CDH3: variants seen among roughly 807,000 people sequenced by gnomAD.
The protein encoded by CDH3 is cadherin-3.
A neutral mutation model predicts 82.0 loss-of-function variants in CDH3; 54 were observed. The observed-to-expected ratio is 0.66, with a 90% CI of 0.53 to 0.83. The LOEUF (loss-of-function observed/expected upper bound fraction) is 0.83, where lower values mean the gene tolerates loss of function less well. Ranked by LOEUF, CDH3 falls within the 40% of genes least tolerant of loss-of-function variation. CDH3 has a pLI of 0.00. For missense variants in CDH3, 1,054 were observed against 1,084.6 expected (o/e 0.97, Z 0.40); for synonymous variants, 446 against 437.9 (o/e 1.02, Z -0.23).
chr16:68,645,477 G>A, intron 1 of CDH3, 53 bp downstream of exon 1: 1 of 1,590,828 alleles, frequency 6.3e-7, no homozygotes. Flanking sequence ...TGGGGGGCGG[G>A]CGGGGTCCGC....
Position 68,698,514 on chromosome 16 carries a change from ACT to A in CDH3, c.*115_*116del. ...AGCTTGTCAGGAAGTGGCCGTAGCA[ACT>A]TGGCGGAGACAGGCTATGAGTCTGA... On this transcript the variant is annotated 3_prime_UTR_variant, in exon 16 of 16. Transcript: ENST00000264012. 1.1e-5 allele frequency: 10 copies of A among 916,610 alleles called. No homozygotes were observed. Among genetic ancestry groups the A allele is most frequent in the Non-Finnish European group, 1.7e-5 (10 of 577,894 alleles). 56.8% of individuals were successfully genotyped at this position (916,610 alleles called of 1,614,324 possible).
At position 68,698,342 on chromosome 16, in the gene CDH3, A is replaced by G. The variant is rs1961807676; in HGVS notation, c.2432A>G (p.Glu811Gly). ...GACCAAGATTACGATTATCTGAACG[A>G]GTGGGGCAGCCGCTTCAAGAAGCTG... Reference protein sequence around the residue: ...DQDQDYDYLNEWGSRFKKLAD... With the variant: ...DQDQDYDYLNGWGSRFKKLAD... Residue 811 changes from glutamate to glycine, a missense_variant, in exon 16 of 16, where the codon GAG (glutamate) becomes GGG (glycine). Physicochemically the swap from Glu to Gly is moderately conservative, Grantham distance 98 (BLOSUM62 -2). Transcript: ENST00000264012. 1 of 1,614,048 alleles carries G rather than the reference A, an allele frequency of 6.2e-7. No homozygotes were observed.
In CDH3 at chr16:68,659,859, C is replaced by T. The variant is rs1353613464; in HGVS notation, c.160+14109C>T. On this transcript the variant is annotated intron_variant, in intron 2 of 15. Transcript: ENST00000264012. ...TGTATGCATACAGGAATTTTAAAAA[C>T]AAGAATTGGACTATATCATGCATAC... 2.1e-4 allele frequency among the ~76,000 whole-genome samples: 30 copies of T among 144,448 alleles called. No homozygotes were observed. The Admixed American group carries it at 2.1e-3, about 10-fold the overall frequency. 94.8% of individuals were successfully genotyped at this position (144,448 alleles called of 152,430 possible).
chr16:68,709,429 GAC>G (rs1185054186), intron 1 of CDH3, among the ~76,000 whole-genome samples: 1 of 152,066 alleles, frequency 6.6e-6, no homozygotes. Flanking sequence ...CTCAAAAGGT[GAC>G]CGGAGAAGGG....
At chr16:68,701,152 GAT>G (rs1961887868), downstream of CDH3, among the ~76,000 whole-genome samples, 1 of 152,108 alleles carries the variant, frequency 6.6e-6, no homozygotes, top group Admixed American at 6.6e-5. Flanking sequence ...CCTCCCCTGA[GAT>G]ATTTGGAGGA....
At chr16:68,651,530 G>A in intron 2 of CDH3, 1 of 498,074 alleles carries the variant, frequency 2.0e-6, no homozygotes. Flanking sequence ...ACCTGACACT[G>A]ATGTCCACCC....
At chr16:68,684,182 T>A (rs1266629797) in intron 9 of CDH3, among the ~76,000 whole-genome samples, 1 of 151,404 alleles carries the variant, frequency 6.6e-6, no homozygotes, top group Non-Finnish European at 1.5e-5. Flanking sequence ...CAGTGAGCCA[T>A]AATGAAGCCA....
Position 68,684,572 on chromosome 16 carries a change from T to C in CDH3, c.1183-11T>C. 6.2e-7 allele frequency: 1 copy of C among 1,614,150 alleles called. No individual in the cohort carries two copies. Among genetic ancestry groups the C allele is most frequent in the Non-Finnish European group, 8.5e-7 (1 of 1,180,014 alleles). On this transcript the variant is annotated splice_polypyrimidine_tract_variant and intron_variant, in intron 9 of 15. Transcript: ENST00000264012. ...ATGGTGGTCCAGGTCCTTCTTCCTC[T>C]TCTCTCCTAGGGTTTGGATTTTGAG...
At chr16:68,696,366 C>T (rs774169200) in intron 15 of CDH3, 2 of 308,214 alleles carry the variant, frequency 6.5e-6, no homozygotes, top group Admixed American at 4.3e-5. Context: ...TGCAGTGAGC[C>T]GACATCACGC....
chr16:68,661,054 G>A (rs979759759), intron 2 of CDH3, among the ~76,000 whole-genome samples: 2 of 152,090 alleles, frequency 1.3e-5, no homozygotes, highest in African/African-American at 4.8e-5. Flanking sequence ...CATGTGAAGT[G>A]TATGTATGGG....
chr16:68,692,149 A>G (rs1453450886), intron 13 of CDH3, among the ~76,000 whole-genome samples: 1 of 152,086 alleles, frequency 6.6e-6, no homozygotes, highest in Non-Finnish European at 1.5e-5. Context: ...TGATCTTCCC[A>G]GCTCAGCCTC....
At chr16:68,663,724 G>C (rs916393904) in intron 2 of CDH3, among the ~76,000 whole-genome samples, 4 of 152,060 alleles carry the variant, frequency 2.6e-5, no homozygotes, top group African/African-American at 9.7e-5. Context: ...AGCTCTAAGG[G>C]AGAAATGGTC....
intron 13 of CDH3, among the ~76,000 whole-genome samples, chr16:68,694,556 AGGTTGCAG>A (rs1961657423): frequency 6.7e-6 from 1 of 150,210 alleles, no homozygotes; most frequent in African/African-American, 2.5e-5. Flanking sequence ...TGGGAGGCGG[AGGTTGCAG>A]TGAGCCGAGA....
chr16:68,681,124 C>T (rs1961216775), intron 8 of CDH3, 28 bp downstream of exon 8: 6 of 1,613,246 alleles, frequency 3.7e-6, no homozygotes, highest in Middle Eastern at 1.7e-4. Context: ...CTCAGTCCCT[C>T]ATCAGATAAT....
At chr16:68,687,981 G>A (rs530197399) in intron 12 of CDH3, among the ~76,000 whole-genome samples, 2 of 149,516 alleles carry the variant, frequency 1.3e-5, no homozygotes, top group Admixed American at 6.7e-5. Flanking sequence ...CTGAGGCCTC[G>A]AGGAATCGAA....
intron 2 of CDH3, among the ~76,000 whole-genome samples, chr16:68,665,309 G>A (rs1960703341): frequency 6.6e-6 from 1 of 152,126 alleles, no homozygotes; most frequent in South Asian, 2.1e-4. Context: ...TCGGGAGGCT[G>A]AGGCAGGAGA....
intron 1 of CDH3, among the ~76,000 whole-genome samples, chr16:68,712,430 A>G (rs1027359993): frequency 6.6e-6 from 1 of 152,208 alleles, no homozygotes; most frequent in Non-Finnish European, 1.5e-5. Context: ...GATAATAGCA[A>G]CAATAATAAT....
intron 15 of CDH3, chr16:68,696,777 A>G (rs544813245): frequency 2.0e-5 from 3 of 152,946 alleles, no homozygotes; most frequent in Non-Finnish European, 2.9e-5. Flanking sequence ...GCGGTCGGGT[A>G]TGAGGCACAT....
intron 3 of CDH3, 92 bp from the exon 4 acceptor site, chr16:68,678,042 C>G (rs1372120247): frequency 8.0e-6 from 10 of 1,245,310 alleles, no homozygotes; most frequent in Non-Finnish European, 1.2e-5. Flanking sequence ...AGCTACCATG[C>G]CCAGCCACCC....
Sources: gnomAD v4.1 joint callset for allele counts (sites outside exome capture counted in the v4.1 genomes callset) on GRCh38, gnomAD v4.1.1 for gene constraint, MANE v1.5 for transcripts, NCBI Gene and HGNC (gene_info 2026-07-23, HGNC 2026-07-21) for gene names.